AKAP9: variants seen among roughly 807,000 people sequenced by gnomAD.
AKAP9 encodes A-kinase anchor protein 9.
Under a neutral mutation model 488.5 loss-of-function variants are expected in AKAP9, and 311 were observed. That is an observed-to-expected ratio of 0.64 (90% CI 0.58 to 0.70). The LOEUF (loss-of-function observed/expected upper bound fraction) is 0.70, where lower values mean the gene tolerates loss of function less well. AKAP9 is among the 30% of genes least tolerant of loss of function. AKAP9 has a pLI of 0.00. For missense variants in AKAP9, 4,215 were observed against 4,374.5 expected (o/e 0.96, Z 1.03); for synonymous variants, 1,462 against 1,483.5 (o/e 0.99, Z 0.33).
Position 91,951,064 on chromosome 7 carries a change from A to G in AKAP9, c.48+9917A>G, listed in dbSNP as rs1046641750. On this transcript the variant is annotated intron_variant, in intron 1 of 49. Coordinates refer to ENST00000356239, the MANE Select transcript of AKAP9 (RefSeq NM_005751.5). The stretch of plus-strand genomic sequence containing the variant: ...CTTTAAACAACCATTAGTAATTTTT[A>G]TAATAAAGTTTGAGAAAAAGAAAAG... Among the ~76,000 whole-genome samples the G allele has an allele frequency of 2.4e-4, 36 of 152,170 alleles. 1 individual carries two copies. Among genetic ancestry groups the G allele is most frequent in the African/African-American group, 8.2e-4 (34 of 41,580 alleles).
chr7:92,051,789 G>A (rs113659735), intron 21 of AKAP9, among the ~76,000 whole-genome samples: 2,551 of 152,202 alleles, frequency 0.017, 67 homozygotes, highest in African/African-American at 0.057. Flanking sequence ...GGTTAACTTT[G>A]TACAGTTACT....
chr7:92,010,477 G>A (rs1800568214), intron 8 of AKAP9, among the ~76,000 whole-genome samples: 2 of 152,174 alleles, frequency 1.3e-5, no homozygotes, highest in African/African-American at 2.4e-5. Flanking sequence ...TCTTTTTTGT[G>A]AGCGGCCCAG....
intron 35 of AKAP9, 45 bp from the exon 36 acceptor site, chr7:92,085,450 G>A: frequency 1.3e-6 from 2 of 1,556,038 alleles, no homozygotes; most frequent in Non-Finnish European, 8.9e-7. Context: ...TTTTCAGTCT[G>A]TGAAGAAGTT....
chr7:91,974,394 C>T (rs1303676795), intron 2 of AKAP9, among the ~76,000 whole-genome samples: 1 of 152,076 alleles, frequency 6.6e-6, no homozygotes, highest in African/African-American at 2.4e-5. Flanking sequence ...CTATTCTTTT[C>T]CCAATGAACT....
At chr7:92,049,956 C>G (rs1199846645) in intron 21 of AKAP9, among the ~76,000 whole-genome samples, 1 of 152,102 alleles carries the variant, frequency 6.6e-6, no homozygotes, top group African/African-American at 2.4e-5. Flanking sequence ...CATGTTGATT[C>G]CTTCTCTATA....
chr7:92,079,239 A>C lies in AKAP9; in HGVS notation c.7106A>C (p.Lys2369Thr), dbSNP rs747658912. The C allele has an allele frequency of 2.5e-6, 4 of 1,614,002 alleles. No homozygotes were observed. Among genetic ancestry groups the C allele is most frequent in the Admixed American group, 1.7e-5 (1 of 60,006 alleles). ...CAGGAATTGGCAAATATTGGACAGA[A>C]GACATCAATGAATGCTCATTCCCTC... The part of the protein sequence containing the change: ...LQQELANIGQ[K>T]TSMNAHSLSE... Residue 2369 changes from lysine to threonine, a missense_variant, in exon 31 of 50, where the codon AAG (lysine) becomes ACG (threonine). By Grantham distance (78) the Lys-to-Thr change is moderately conservative (BLOSUM62 -1). This residue lies in a region of AKAP9 where 1,476 missense variants were observed against 1,477.4 expected (regional missense o/e 1.00). Coordinates refer to ENST00000356239, the MANE Select transcript of AKAP9 (RefSeq NM_005751.5).
chr7:91,990,436 A>C (rs1797614539), intron 3 of AKAP9, among the ~76,000 whole-genome samples: 1 of 152,104 alleles, frequency 6.6e-6, no homozygotes, highest in African/African-American at 2.4e-5. Flanking sequence ...TCTGGTGAAT[A>C]ATCTTTTATA....
In AKAP9 at chr7:92,062,393, T is replaced by C; in HGVS notation, c.5884T>C (p.Leu1962=). The change falls in exon 24 of 50, where the codon TTG becomes CTG. Residue 1962 remains leucine (L), a synonymous_variant. Coordinates refer to ENST00000356239, the MANE Select transcript of AKAP9 (RefSeq NM_005751.5). ...LLCASNRLQE[L]EAEQQQIQEE... ...ATGTGCAAGTAACAGGTTGCAAGAA[T>C]TGGAGGCAGAGCAACAGCAGATCCA... 1 of 1,613,868 alleles carries C rather than the reference T, an allele frequency of 6.2e-7. No individual in the cohort carries two copies. The highest frequency in any genetic ancestry group is 8.5e-7 in the Non-Finnish European group (1 of 1,179,862).
chr7:92,086,274 G>T lies in AKAP9; in HGVS notation c.9071G>T (p.Gly3024Val). Residue 3024 changes from glycine to valine, a missense_variant, in exon 37 of 50, where the codon GGT (glycine) becomes GTT (valine). Transcript: ENST00000356239. ...CATGAGAGCTTCTCAGACTGGCGAG[G>T]TGAACTACTGCTTGCCCTTCAACAA... ...QSHESFSDWRGELLLALQQVF... is the reference protein window; with the variant it reads ...QSHESFSDWRVELLLALQQVF... The T allele has an allele frequency of 6.2e-7, 1 of 1,614,136 alleles. No individual in the cohort carries two copies. Among genetic ancestry groups the T allele is most frequent in the Non-Finnish European group, 8.5e-7 (1 of 1,180,008 alleles).
intron 26 of AKAP9, 89 bp downstream of exon 26, chr7:92,066,635 TCTTTC>T: frequency 1.3e-6 from 2 of 1,491,616 alleles, no homozygotes; most frequent in Non-Finnish European, 9.3e-7. Context: ...AAAAGTGGAT[TCTTTC>T]CTTTGTATGT....
rs952371686 is a variant in AKAP9 at position 92,029,921 on chromosome 7, C to T, written c.4175C>T (p.Thr1392Ile). ...TTACCTGTTGATTCGGTGGTAATTA[C>T]AGAATCTGATGCACAGAGAACAATG... The part of the protein sequence containing the change: ...PSLPVDSVVI[T>I]ESDAQRTMYP... The change falls in exon 15 of 50, where the codon ACA becomes ATA. Residue 1392 changes from threonine (T) to isoleucine (I), a missense_variant. Thr to Ile is a moderately conservative substitution (Grantham distance 89). Coordinates refer to ENST00000356239, the MANE Select transcript of AKAP9 (RefSeq NM_005751.5). 1.9e-6 allele frequency: 3 copies of T among 1,612,788 alleles called. No homozygotes were observed. Among genetic ancestry groups the T allele is most frequent in the Non-Finnish European group, 2.5e-6 (3 of 1,179,178 alleles).
At chr7:92,008,983 TAAA>T (rs58922447) in intron 8 of AKAP9, among the ~76,000 whole-genome samples, 2 of 130,718 alleles carry the variant, frequency 1.5e-5, no homozygotes, top group Non-Finnish European at 1.6e-5. Context: ...AGACTCCATT[TAAA>T]AAAAAAAAAA....
chr7:92,098,147 G>A lies in AKAP9; in HGVS notation c.10646G>A (p.Trp3549Ter). The A allele has an allele frequency of 6.2e-7, 1 of 1,612,702 alleles. No individual in the cohort carries two copies. Among genetic ancestry groups the A allele is most frequent in the Non-Finnish European group, 8.5e-7 (1 of 1,178,904 alleles). ...FETADDEDFIWVQENIDEIIL... is the reference protein window; with the variant it reads ...FETADDEDFI Reference sequence around the variant, plus strand: ...ACAGCAGATGATGAAGATTTCATTTGGGTTCAGGAAAATATTGATGAAATT... The same window carrying A: ...ACAGCAGATGATGAAGATTTCATTTAGGTTCAGGAAAATATTGATGAAATT... The change falls in exon 43 of 50, where the codon TGG becomes TAG. Residue 3549 changes from tryptophan (W) to a stop codon, truncating the protein, a stop_gained. Coordinates refer to ENST00000356239, the MANE Select transcript of AKAP9 (RefSeq NM_005751.5). LOFTEE classifies it high-confidence loss of function.
intron 28 of AKAP9, among the ~76,000 whole-genome samples, chr7:92,075,011 T>A (rs889644521): frequency 9.2e-5 from 14 of 151,944 alleles, no homozygotes; most frequent in African/African-American, 1.5e-4. Context: ...TATAATTTTT[T>A]AAAAAAGATT....
intron 7 of AKAP9, chr7:91,996,109 A>G (rs1377688831): frequency 9.2e-6 from 3 of 326,410 alleles, no homozygotes; most frequent in African/African-American, 6.4e-5. Flanking sequence ...TGTGAAATTC[A>G]GAAAATATTT....
intron 22 of AKAP9, among the ~76,000 whole-genome samples, chr7:92,054,538 G>A (rs1808466257): frequency 6.6e-6 from 1 of 151,304 alleles, no homozygotes; most frequent in African/African-American, 2.5e-5. Context: ...CTTGGGAGTT[G>A]ATGCTTAAGA....
intron 1 of AKAP9, among the ~76,000 whole-genome samples, chr7:91,969,632 A>G (rs1186969287): frequency 1.3e-5 from 2 of 152,172 alleles, no homozygotes; most frequent in Admixed American, 1.3e-4. Flanking sequence ...TCCGCTTGCT[A>G]AATTGACACC....
rs771801677 is a variant in AKAP9, at chr7:92,084,958, C to A, written c.8832+18C>A. The A allele has an allele frequency of 5.0e-6, 8 of 1,610,528 alleles. No homozygotes were observed. Among genetic ancestry groups the A allele is most frequent in the Admixed American group, 1.7e-5 (1 of 59,928 alleles). On this transcript the variant is annotated intron_variant, in intron 35 of 49. Coordinates refer to ENST00000356239, the MANE Select transcript of AKAP9 (RefSeq NM_005751.5). ...AAATAAAGGTACTAAAAGATAGATA[C>A]CTTTTATTAACTCAGCCAGTGTTGT... is the stretch of plus-strand genomic sequence containing the variant.
chr7:92,091,703 A>G (rs561133378), intron 38 of AKAP9, among the ~76,000 whole-genome samples: 1 of 152,212 alleles, frequency 6.6e-6, no homozygotes, highest in Non-Finnish European at 1.5e-5. Context: ...TGAGATAAAC[A>G]TATCACTTTA....
Sources: allele counts gnomAD v4.1 joint callset (sites outside exome capture counted in the v4.1 genomes callset), GRCh38; gene constraint gnomAD v4.1.1; regional missense constraint gnomAD v4.1.1; transcripts MANE v1.5; gene names NCBI Gene and HGNC (gene_info 2026-07-23, HGNC 2026-07-21).